MYBL2: variants seen among roughly 807,000 people sequenced by gnomAD.
The protein encoded by MYBL2 is MYB proto-oncogene like 2.
Under a neutral mutation model 79.9 loss-of-function variants are expected in MYBL2, and 28 were observed. The ratio of observed to expected loss-of-function variants is 0.35; its 90% CI spans 0.26 to 0.48. The LOEUF is 0.48. Among genes scored for constraint, MYBL2 ranks in the 20% least tolerant of loss-of-function variants. MYBL2 has a pLI of 0.99. For missense variants in MYBL2, 735 were observed against 893.9 expected (o/e 0.82, Z 2.27); for synonymous variants, 378 against 361.2 (o/e 1.05, Z -0.53).
At chr20:43,672,071 C>T (rs1426684052) in intron 1 of MYBL2, among the ~76,000 whole-genome samples, 2 of 151,834 alleles carry the variant, frequency 1.3e-5, no homozygotes, top group Admixed American at 6.6e-5. Flanking sequence ...ATTAGCCGGG[C>T]GCGGTGGCAG....
rs1278805945 is a variant in MYBL2, at chr20:43,709,918, C to T, written c.1506-45C>T. 16 of 1,478,642 alleles carry T rather than the reference C, an allele frequency of 1.1e-5. No individual in the cohort carries two copies. The African/African-American group carries it at 1.1e-4, about 10-fold the overall frequency. 91.6% of individuals were successfully genotyped at this position (1,478,642 alleles called of 1,614,324 possible). ...GCCAGGGCAGCAGAGTGCCTGGCGT[C>T]GGCCCCTATCCTGTCACTAGTTCCC... On this transcript the variant is annotated intron_variant, in intron 9 of 13. Transcript: ENST00000217026.
rs1388076291 is a variant in MYBL2, at chr20:43,716,132, G to T, written c.*45G>T. 5.6e-6 allele frequency: 9 copies of T among 1,597,496 alleles called. No homozygotes were observed. The highest frequency in any genetic ancestry group is 7.6e-6 in the Non-Finnish European group (9 of 1,178,648). ...GCCCATTCTCATGTTTACAGGGGTT[G>T]TGGGGGCAGAGGGGGTCTGTGAATC... On this transcript the variant is annotated 3_prime_UTR_variant, in exon 14 of 14. Coordinates refer to ENST00000217026, the MANE Select transcript of MYBL2 (RefSeq NM_002466.4).
chr20:43,667,956 G>GA (rs1491570926), intron 1 of MYBL2, among the ~76,000 whole-genome samples: 1 of 152,056 alleles, frequency 6.6e-6, no homozygotes, highest in Non-Finnish European at 1.5e-5. Flanking sequence ...AGGTGCGGGG[G>GA]AGAGAGAGAG....
intron 12 of MYBL2, among the ~76,000 whole-genome samples, chr20:43,714,402 A>T (rs560751647): frequency 2.0e-5 from 3 of 152,268 alleles, no homozygotes; most frequent in South Asian, 4.1e-4. Context: ...GTTATTGAGT[A>T]TGTTATTACT....
chr20:43,691,193 ACT>A (rs1445680449), intron 5 of MYBL2, among the ~76,000 whole-genome samples: 8 of 152,228 alleles, frequency 5.3e-5, no homozygotes, highest in African/African-American at 1.9e-4. Context: ...TCAGCGTGAG[ACT>A]CAGTGGAAAT....
At chr20:43,709,840 G>A in intron 9 of MYBL2, 123 bp from the exon 10 acceptor site, 2 of 743,548 alleles carry the variant, frequency 2.7e-6, no homozygotes, top group South Asian at 4.2e-5. Context: ...GTGGGGAGAG[G>A]GATGGGACGA....
Position 43,713,203 on chromosome 20 carries a change from G to T in MYBL2, c.1824+97G>T, listed in dbSNP as rs897109718. ...TCCAACTGGGCTTCTGGAACCCTGG[G>T]CTCTGCAGGGAGGGGCTATCAGGGA... On this transcript the variant is annotated intron_variant, in intron 12 of 13. Transcript: ENST00000217026. 35 of 925,978 alleles carry T rather than the reference G, an allele frequency of 3.8e-5. No individual in the cohort carries two copies. The East Asian group carries it at 7.4e-4, about 20-fold the overall frequency. The allele number at this position is 925,978 out of a possible 1,614,324, so 57.4% of individuals were successfully genotyped here. A position where few individuals can be genotyped will look rare whatever the true frequency, so the allele number is the denominator to read the frequency against.
At chr20:43,669,561 G>C (rs759062603) in intron 1 of MYBL2, among the ~76,000 whole-genome samples, 1 of 152,144 alleles carries the variant, frequency 6.6e-6, no homozygotes, top group African/African-American at 2.4e-5. Context: ...CAAAAGGTAG[G>C]GTATGTTGGA....
Position 43,708,298 on chromosome 20 carries a change from CTG to C in MYBL2, c.1506-1661_1506-1660del, listed in dbSNP as rs1450697438. 2.0e-5 allele frequency among the ~76,000 whole-genome samples: 3 copies of C among 152,176 alleles called. No homozygotes were observed. In the East Asian group the frequency reaches 5.8e-4, roughly 29 times the overall value. On this transcript the variant is annotated intron_variant, in intron 9 of 13. Transcript: ENST00000217026. Reference sequence around the variant, plus strand: ...TGTTTTTTTGAGAGACAGGGTCTCACTGTGTTGCCCAGGCTAGTCTTGAACTC... The same window carrying C: ...TGTTTTTTTGAGAGACAGGGTCTCACTGTTGCCCAGGCTAGTCTTGAACTC...
intron 1 of MYBL2, among the ~76,000 whole-genome samples, 185 bp downstream of exon 1, chr20:43,667,488 G>A (rs1986746739): frequency 6.6e-6 from 1 of 152,150 alleles, no homozygotes; most frequent in Non-Finnish European, 1.5e-5. Context: ...CGTAAAGCTG[G>A]GGGGCTCTTG....
chr20:43,683,383 C>G (rs73276025), intron 4 of MYBL2, among the ~76,000 whole-genome samples: 1,922 of 152,118 alleles, frequency 0.013, 44 homozygotes, highest in African/African-American at 0.044. Context: ...GAGCAAGGCT[C>G]AGAGAGGTTG....
At chr20:43,706,116 T>C (rs1233372228) in intron 9 of MYBL2, among the ~76,000 whole-genome samples, 2 of 152,218 alleles carry the variant, frequency 1.3e-5, no homozygotes, top group Non-Finnish European at 2.9e-5. Flanking sequence ...CGTGAGCTAC[T>C]GCACCTGGCC....
chr20:43,715,537 C>A (rs538694201), intron 13 of MYBL2, among the ~76,000 whole-genome samples: 54 of 152,324 alleles, frequency 3.5e-4, no homozygotes, highest in African/African-American at 1.3e-3. Context: ...TGTAGAGATA[C>A]CCCCATTCTG....
chr20:43,682,930 AC>A, intron 4 of MYBL2, 44 bp downstream of exon 4: 1 of 1,555,742 alleles, frequency 6.4e-7, no homozygotes, highest in Non-Finnish European at 8.9e-7. Context: ...GTCTTCACCC[AC>A]CAGTGTACCT....
intron 2 of MYBL2, among the ~76,000 whole-genome samples, chr20:43,677,048 T>G (rs1405399061): frequency 6.6e-6 from 1 of 152,338 alleles, no homozygotes; most frequent in South Asian, 2.1e-4. Flanking sequence ...CTAGCTTGTT[T>G]TGTTTTTTCT....
chr20:43,667,277 C>T lies in MYBL2; in HGVS notation c.-7C>T, dbSNP rs1415422157. ...CGGGCGAGCGCGGCGCGGTCCGGGCCGGGGGGATGTCTCGGCGGACGCGCT... is the reference window on the plus strand; with the variant it reads ...CGGGCGAGCGCGGCGCGGTCCGGGCTGGGGGGATGTCTCGGCGGACGCGCT... On this transcript the variant is annotated 5_prime_UTR_variant, in exon 1 of 14. Transcript: ENST00000217026. The T allele has an allele frequency of 4.1e-6, 5 of 1,226,006 alleles. No individual in the cohort carries two copies. The African/African-American group carries it at 7.8e-5, about 19-fold the overall frequency. 75.9% of individuals were successfully genotyped at this position (1,226,006 alleles called of 1,614,324 possible).
chr20:43,679,927 G>A (rs1987105184), intron 2 of MYBL2, among the ~76,000 whole-genome samples: 1 of 149,626 alleles, frequency 6.7e-6, no homozygotes, highest in Admixed American at 6.7e-5. Context: ...AAAAAAAAAG[G>A]ATGGAAAACT....
chr20:43,698,412 C>T (rs1220664635), intron 6 of MYBL2, among the ~76,000 whole-genome samples: 4 of 107,902 alleles, frequency 3.7e-5, no homozygotes, highest in African/African-American at 1.1e-4. Flanking sequence ...GAGTCTCGTT[C>T]TGTAGCCCAG....
intron 1 of MYBL2, among the ~76,000 whole-genome samples, chr20:43,673,131 A>G (rs1440513327): frequency 6.6e-6 from 1 of 151,654 alleles, no homozygotes; most frequent in East Asian, 2.0e-4. Context: ...TTTAGTAGAG[A>G]TGGGGTTTCA....
Sources: allele counts gnomAD v4.1 joint callset (sites outside exome capture counted in the v4.1 genomes callset), GRCh38; gene constraint gnomAD v4.1.1; transcripts MANE v1.5; gene names NCBI Gene and HGNC (gene_info 2026-07-23, HGNC 2026-07-21).